NMB: variants seen among roughly 807,000 people sequenced by gnomAD.
The protein encoded by NMB is neuromedin-B.
NMB carries 12 observed loss-of-function variants against 11.7 expected under a neutral mutation model. The observed-to-expected ratio is 1.03, with a 90% CI of 0.66 to 1.66. The LOEUF (loss-of-function observed/expected upper bound fraction) is 1.66, where lower values mean the gene tolerates loss of function less well. Ranked by LOEUF, NMB falls within the 40% of genes most tolerant of loss-of-function variation. NMB has a pLI of 0.00. For missense variants in NMB, 174 were observed against 157.9 expected, an observed-to-expected ratio of 1.10 and a Z score of -0.55; for synonymous variants, 76 against 72.6, an observed-to-expected ratio of 1.05 and a Z score of -0.24.
chr15:84,657,928 G>A, intron 1 of NMB, 68 bp downstream of exon 1: 2 of 1,507,654 alleles, frequency 1.3e-6, no homozygotes, highest in Non-Finnish European at 8.9e-7. Flanking sequence ...AGCGGCCAGA[G>A]GGTTGAGAAG....
chr15:84,655,624 CAAA>C (rs919722155), intron 2 of NMB, among the ~76,000 whole-genome samples: 1 of 152,158 alleles, frequency 6.6e-6, no homozygotes, highest in African/African-American at 2.4e-5. Context: ...TCATGACAGT[CAAA>C]GAAGATCGTG....
chr15:84,657,079 C>T, intron 2 of NMB, 97 bp downstream of exon 2: 1 of 1,137,194 alleles, frequency 8.8e-7, no homozygotes, highest in Non-Finnish European at 1.2e-6. Context: ...CAGACAGTCA[C>T]ACCCTAATAC....
rs543663127 is a variant in NMB at position 84,655,133 on chromosome 15, A to C, written c.*241T>G. 5.6e-5 allele frequency: 59 copies of C among 1,057,238 alleles called. No individual in the cohort carries two copies. The African/African-American group carries it at 7.8e-4, about 14-fold the overall frequency. The allele number at this position is 1,057,238 out of a possible 1,614,324, so 65.5% of individuals were successfully genotyped here. A position where few individuals can be genotyped will look rare whatever the true frequency, so the allele number is the denominator to read the frequency against. ...GTGAAAGGAGAGGACCAGGCATTGT[A>C]TGTAAAGAGCAAGGTTTTATTCACC... On this transcript the variant is annotated 3_prime_UTR_variant, in exon 3 of 3. Transcript: ENST00000360476.
In NMB at chr15:84,657,339, A is replaced by G; in HGVS notation, c.167T>C (p.Met56Thr). Residue 56 changes from methionine to threonine, a missense_variant, in exon 2 of 3, where the codon ATG (methionine) becomes ACG (threonine). Physicochemically the swap from Met to Thr is moderately conservative, Grantham distance 81. Transcript: ENST00000360476. ...RGNLWATGHF[M>T]GKKSLEPSSP... ...GGAAGGCTCCAGACTCTTCTTGCCC[A>G]TGAAGTGACCTGGAAAGGAGGTGTC... 1 of 1,522,338 alleles carries G rather than the reference A, an allele frequency of 6.6e-7. No individual in the cohort carries two copies. Among genetic ancestry groups the G allele is most frequent in the Non-Finnish European group, 8.8e-7 (1 of 1,135,134 alleles). 94.3% of individuals were successfully genotyped at this position (1,522,338 alleles called of 1,614,324 possible). A position where few individuals can be genotyped will look rare whatever the true frequency, so the allele number is the denominator to read the frequency against.
At chr15:84,655,914 T>C (rs1159863107) in intron 2 of NMB, among the ~76,000 whole-genome samples, 2 of 152,184 alleles carry the variant, frequency 1.3e-5, no homozygotes, top group Non-Finnish European at 2.9e-5. Flanking sequence ...GGGATGTTGG[T>C]TGAGGCTGGG....
At chr15:84,657,525 C>T (rs1896800229) in intron 1 of NMB, among the ~76,000 whole-genome samples, 177 bp from the exon 2 acceptor site, 2 of 152,232 alleles carry the variant, frequency 1.3e-5, no homozygotes. Flanking sequence ...GTGGCAAAGC[C>T]TGCTCCCTCA....
At chr15:84,657,963 G>A (rs1876927326) in intron 1 of NMB, 33 bp downstream of exon 1, 2 of 1,577,820 alleles carry the variant, frequency 1.3e-6, no homozygotes, top group East Asian at 2.5e-5. Flanking sequence ...ACTGGATGAG[G>A]GGCGCTTGCT....
At chr15:84,656,761 T>A (rs1896787626) in intron 2 of NMB, among the ~76,000 whole-genome samples, 1 of 151,998 alleles carries the variant, frequency 6.6e-6, no homozygotes, top group South Asian at 2.1e-4. Flanking sequence ...CAGGGTCCCA[T>A]TCCGGCCACA....
rs1396093289 is a variant in NMB at position 84,655,268 on chromosome 15, G to C, written c.*106C>G. The C allele has an allele frequency of 6.3e-7, 1 of 1,598,928 alleles. No individual in the cohort carries two copies. The highest frequency in any genetic ancestry group is 8.5e-7 in the Non-Finnish European group (1 of 1,171,938). On this transcript the variant is annotated 3_prime_UTR_variant, in exon 3 of 3. Transcript: ENST00000360476. ...CAGTAATGGAGTAACAGAGATTTGAGCTCAGGATTTACATCCAGATGGGGC... is the reference window on the plus strand; with the variant it reads ...CAGTAATGGAGTAACAGAGATTTGACCTCAGGATTTACATCCAGATGGGGC...
chr15:84,655,464 G>C, intron 2 of NMB, 55 bp from the exon 3 acceptor site: 1 of 1,607,818 alleles, frequency 6.2e-7, no homozygotes, highest in East Asian at 2.2e-5. Context: ...GATAAAGATA[G>C]GGGCATCCTG....
In NMB at chr15:84,657,289, G is replaced by T. The variant is rs1051168; in HGVS notation, c.217C>A (p.Pro73Thr). The T allele has an allele frequency of 0.24, 384,355 of 1,597,686 alleles. 49,271 individuals carry two copies. Among genetic ancestry groups the T allele is most frequent in the Middle Eastern group, 0.37 (2,259 of 6,028 alleles). ...CGCTGGTCCCTCAGGGAGGTGTGGG[G>T]AGCTGTCCCCAATGGGGATGGGCTG... ...PSSPSPLGTA[P>T]HTSLRDQRLQ... Residue 73 changes from proline (P) to threonine (T), a missense_variant, in exon 2 of 3, where the codon CCC (proline) becomes ACC (threonine). Pro to Thr is a conservative substitution (Grantham distance 38, BLOSUM62 -1). Around this residue, in one of 2 missense-constraint regions of NMB, gnomAD observed 168 missense variants for 138.4 expected, o/e 1.21. Coordinates refer to ENST00000360476, the MANE Select transcript of NMB (RefSeq NM_021077.4).
chr15:84,657,081 C>G (rs957873657), intron 2 of NMB, 95 bp downstream of exon 2: 2 of 1,204,040 alleles, frequency 1.7e-6, no homozygotes, highest in Non-Finnish European at 2.3e-6. Context: ...GACAGTCACA[C>G]CCTAATACAG....
At position 84,658,066 on chromosome 15, in the gene NMB, C is replaced by G. The variant is rs755352396; in HGVS notation, c.87G>C (p.Trp29Cys). The change falls in exon 1 of 3, where the codon TGG becomes TGC. Residue 29 changes from tryptophan to cysteine, a missense_variant. Transcript: ENST00000360476. ...LLAAGVAPLS[W>C]DLPEPRSRAS... ...CTCGGCTGCGGGGCTCCGGGAGATC[C>G]CAGCTGAGCGGGGCGACGCCGGCAG... The G allele has an allele frequency of 5.1e-5, 81 of 1,586,952 alleles. No individual in the cohort carries two copies. The highest frequency in any genetic ancestry group is 6.3e-5 in the Non-Finnish European group (74 of 1,170,102).
At position 84,655,229 on chromosome 15, in the gene NMB, C is replaced by A; in HGVS notation, c.*145G>T. On this transcript the variant is annotated 3_prime_UTR_variant, in exon 3 of 3. Transcript: ENST00000360476. Reference sequence around the variant, plus strand: ...CTGCATCAGCGATATTTCTGGTGACCCAGCCAGAAATCACAGTAATGGAGT... The same window carrying A: ...CTGCATCAGCGATATTTCTGGTGACACAGCCAGAAATCACAGTAATGGAGT... 6.5e-7 allele frequency: 1 copy of A among 1,541,826 alleles called. No homozygotes were observed. Among genetic ancestry groups the A allele is most frequent in the Non-Finnish European group, 8.8e-7 (1 of 1,142,720 alleles).
At position 84,655,515 on chromosome 15, in the gene NMB, C is replaced by G. The variant is rs1259471258; in HGVS notation, c.331-106G>C. Reference sequence around the variant, plus strand: ...AGATGTCTGCAGAGGTGGGCACCAGCAGGCTGTCAGCTGAGGCAGGCCCCA... The same window carrying G: ...AGATGTCTGCAGAGGTGGGCACCAGGAGGCTGTCAGCTGAGGCAGGCCCCA... On this transcript the variant is annotated intron_variant, in intron 2 of 2. Coordinates refer to ENST00000360476, the MANE Select transcript of NMB (RefSeq NM_021077.4). The G allele has an allele frequency of 4.1e-6, 6 of 1,453,668 alleles. No individual in the cohort carries two copies. The East Asian group carries it at 6.8e-5, about 16-fold the overall frequency. The allele number at this position is 1,453,668 out of a possible 1,614,324, so 90.0% of individuals were successfully genotyped here.
chr15:84,657,917 G>A, intron 1 of NMB, 79 bp downstream of exon 1: 3 of 1,469,970 alleles, frequency 2.0e-6, no homozygotes, highest in Non-Finnish European at 2.7e-6. Context: ...CGTGGCTGAG[G>A]AGCGGCCAGA....
At chr15:84,657,846 A>C in intron 1 of NMB, 150 bp downstream of exon 1, 1 of 915,798 alleles carries the variant, frequency 1.1e-6, no homozygotes, top group South Asian at 2.0e-5. Context: ...CCGGGTCTCA[A>C]GTACATATCT....
chr15:84,656,922 G>A (rs1026744647), intron 2 of NMB, among the ~76,000 whole-genome samples: 1 of 152,120 alleles, frequency 6.6e-6, no homozygotes, highest in Admixed American at 6.5e-5. Flanking sequence ...ATGAGTCAGG[G>A]GAACTTCTTT....
At position 84,658,162 on chromosome 15, in the gene NMB, CG is replaced by C. The variant is rs1221208548; in HGVS notation, c.-11del. Reference sequence around the variant, plus strand: ...CCGCCCGCCGGGCCATGGCTGTGCCCGGGCCGCGGCTTCGTTCGGGCGCGCT... The same window carrying C: ...CCGCCCGCCGGGCCATGGCTGTGCCCGGCCGCGGCTTCGTTCGGGCGCGCT... On this transcript the variant is annotated 5_prime_UTR_variant, in exon 1 of 3. Coordinates refer to ENST00000360476, the MANE Select transcript of NMB (RefSeq NM_021077.4). 1.4e-5 allele frequency: 20 copies of C among 1,448,354 alleles called. No individual in the cohort carries two copies. The highest frequency in any genetic ancestry group is 1.4e-5 in the Non-Finnish European group (16 of 1,114,254). The allele number at this position is 1,448,354 out of a possible 1,614,324, so 89.7% of individuals were successfully genotyped here.
Sources: gnomAD v4.1 joint callset for allele counts (sites outside exome capture counted in the v4.1 genomes callset) on GRCh38, gnomAD v4.1.1 for gene constraint, gnomAD v4.1.1 regional missense constraint, MANE v1.5 for transcripts, NCBI Gene and HGNC (gene_info 2026-07-23, HGNC 2026-07-21) for gene names.